Variants in ATP6V0A4 observed in about 807,000 individuals in gnomAD.
The protein encoded by ATP6V0A4 is V-type proton ATPase 116 kDa subunit a 4.
ATP6V0A4 carries 86 observed loss-of-function variants against 107.3 expected under a neutral mutation model. The observed-to-expected ratio is 0.80, with a 90% CI of 0.67 to 0.96. The LOEUF (loss-of-function observed/expected upper bound fraction) is 0.96, where lower values mean the gene tolerates loss of function less well. Ranked by LOEUF, ATP6V0A4 falls within the 40% of genes least tolerant of loss-of-function variation. The pLI is 0.00. For missense variants in ATP6V0A4, 908 were observed against 1,045.6 expected (o/e 0.87, Z 1.81); for synonymous variants, 353 against 381.4 (o/e 0.93, Z 0.87).
chr7:138,718,167 G>T (rs1804179039), intron 19 of ATP6V0A4, among the ~76,000 whole-genome samples: 3 of 127,368 alleles, frequency 2.4e-5, no homozygotes, highest in African/African-American at 8.7e-5. Context: ...TGCAGTCACG[G>T]ATGTCTGTGG....
chr7:138,728,659 G>A, intron 18 of ATP6V0A4, 102 bp downstream of exon 18: 8 of 1,518,538 alleles, frequency 5.3e-6, no homozygotes, highest in Non-Finnish European at 7.3e-6. Flanking sequence ...CATTCTTCTG[G>A]CCCTGGCAGC....
At position 138,752,709 on chromosome 7, in the gene ATP6V0A4, G is replaced by A. The variant is rs775519861; in HGVS notation, c.945C>T (p.Asp315=). The A allele has an allele frequency of 2.5e-5, 40 of 1,613,992 alleles. No individual in the cohort carries two copies. The highest frequency in any genetic ancestry group is 1.1e-4 in the East Asian group (5 of 44,884). The change falls in exon 11 of 22, where the codon GAC becomes GAT. Residue 315 remains aspartate, a synonymous_variant. Transcript: ENST00000310018. ...VYHILNMCNI[D]VTQQCVIAEI... Reference sequence around the variant, plus strand: ...CGGCGATGACACACTGCTGGGTGACGTCGATGTTGCACATGTTCAGGATGT... The same window carrying A: ...CGGCGATGACACACTGCTGGGTGACATCGATGTTGCACATGTTCAGGATGT...
chr7:138,748,138 CAA>C (rs60700245), intron 12 of ATP6V0A4, among the ~76,000 whole-genome samples: 3 of 142,578 alleles, frequency 2.1e-5, no homozygotes, highest in African/African-American at 2.6e-5. Flanking sequence ...ATCACAAAGT[CAA>C]AAAAAAAAAA....
chr7:138,745,962 A>AAAAAAAATATATATATATATATATAT (rs1554396065), intron 13 of ATP6V0A4, among the ~76,000 whole-genome samples: 4 of 65,642 alleles, frequency 6.1e-5, no homozygotes, highest in African/African-American at 2.7e-4. Context: ...AAAAAAAAAA[A>AAAAAAAATATATATATATATATATAT]ATATATATAT....
chr7:138,750,125 C>T (rs992097682), intron 11 of ATP6V0A4, among the ~76,000 whole-genome samples: 2 of 152,196 alleles, frequency 1.3e-5, no homozygotes, highest in Non-Finnish European at 2.9e-5. Context: ...ACTCTTTAGT[C>T]TTGTGATCAA....
In ATP6V0A4 at chr7:138,709,872, T is replaced by C. The variant is rs1803648848; in HGVS notation, c.2258-77A>G. On this transcript the variant is annotated intron_variant, in intron 20 of 21. Transcript: ENST00000310018. ...TTATTGTATTTTCTCATCTTTTTAA[T>C]TAAAAATATATATATATTTTAAATA... The C allele has an allele frequency of 2.1e-6, 3 of 1,454,558 alleles. No individual in the cohort carries two copies. The highest frequency in any genetic ancestry group is 2.8e-6 in the Non-Finnish European group (3 of 1,081,958). 90.1% of individuals were successfully genotyped at this position (1,454,558 alleles called of 1,614,324 possible).
At chr7:138,784,283 T>TATATATATACACAC (rs1808075103) in intron 2 of ATP6V0A4, among the ~76,000 whole-genome samples, 1 of 31,006 alleles carries the variant, frequency 3.2e-5, no homozygotes, top group African/African-American at 1.2e-4. Context: ...TATATATACA[T>TATATATATACACAC]ATATATACAC....
chr7:138,714,606 T>C (rs915656837), intron 20 of ATP6V0A4, among the ~76,000 whole-genome samples: 2 of 152,084 alleles, frequency 1.3e-5, no homozygotes, highest in African/African-American at 4.8e-5. Flanking sequence ...GATAGATAGA[T>C]ACAATTGTAT....
At position 138,715,969 on chromosome 7, in the gene ATP6V0A4, G is replaced by A; in HGVS notation, c.2140-88C>T. 2.6e-6 allele frequency: 4 copies of A among 1,548,132 alleles called. No individual in the cohort carries two copies. The South Asian group carries it at 3.4e-5, about 13-fold the overall frequency. On this transcript the variant is annotated intron_variant, in intron 19 of 21. Transcript: ENST00000310018. ...TGATGCAAAGATGAATAAGACATGG[G>A]CTTTGCTGTTCAGACACTTTCAGTC...
intron 1 of ATP6V0A4, among the ~76,000 whole-genome samples, chr7:138,794,327 G>C (rs1351013573): frequency 2.0e-5 from 3 of 152,152 alleles, no homozygotes; most frequent in Admixed American, 1.3e-4. Flanking sequence ...TTCAAGGTGA[G>C]AGGTCTTTTC....
At chr7:138,707,029 G>A (rs1393401266) in intron 21 of ATP6V0A4, among the ~76,000 whole-genome samples, 1 of 132,658 alleles carries the variant, frequency 7.5e-6, no homozygotes. Context: ...CTGAGTAGCT[G>A]GGACTATAGG....
rs1004521517 is a variant in ATP6V0A4, at chr7:138,732,959, G to A, written c.1826C>T (p.Ala609Val). The change falls in exon 17 of 22, where the codon GCC (alanine) becomes GTC (valine). Residue 609 changes from alanine to valine, a missense_variant. Transcript: ENST00000310018. ...GATGAAGTGGATGAGGATGCTGGGG[G>A]CGTGCTGAGATACATGGACGTCAAA... ...CCFDVHVSQH[A>V]PSILIHFINM... The A allele has an allele frequency of 6.2e-7, 1 of 1,613,536 alleles. No individual in the cohort carries two copies. The highest frequency in any genetic ancestry group is 8.5e-7 in the Non-Finnish European group (1 of 1,179,560).
intron 7 of ATP6V0A4, among the ~76,000 whole-genome samples, chr7:138,760,150 A>G (rs1258539781): frequency 6.6e-6 from 1 of 152,188 alleles, no homozygotes; most frequent in African/African-American, 2.4e-5. Context: ...GCAATTAAGA[A>G]TATGATAGAA....
chr7:138,729,405 G>T lies in ATP6V0A4; in HGVS notation c.1909-543C>A, dbSNP rs76045280. On this transcript the variant is annotated intron_variant, in intron 17 of 21. Transcript: ENST00000310018. ...AAGAAAAAAGAAGTTCCTCACCATC[G>T]CTACCTGACTTTCATCCCTTCCATG... Among the ~76,000 whole-genome samples, 1,034 of 152,216 alleles carry T rather than the reference G, an allele frequency of 6.8e-3. 9 individuals carry two copies. The highest frequency in any genetic ancestry group is 0.011 in the South Asian group (51 of 4,810).
rs368431454 is a variant in ATP6V0A4 at position 138,728,852 on chromosome 7, T to C, written c.1919A>G (p.Gln640Arg). The C allele has an allele frequency of 1.2e-6, 2 of 1,614,154 alleles. No individual in the cohort carries two copies. Among genetic ancestry groups the C allele is most frequent in the East Asian group, 2.2e-5 (1 of 44,884 alleles). ...APLYKHQQEV[Q>R]SFFVVMALIS... ...CAAAGCCATAACCACAAAGAAACTT[T>C]GGACTTCTTGCTGCAAGACCAAAAT... The change falls in exon 18 of 22, where the codon CAA (glutamine) becomes CGA (arginine). Residue 640 changes from glutamine (Q) to arginine (R), a missense_variant. Transcript: ENST00000310018.
intron 1 of ATP6V0A4, among the ~76,000 whole-genome samples, chr7:138,795,807 A>G (rs1019971654): frequency 7.7e-6 from 1 of 129,920 alleles, no homozygotes; most frequent in Non-Finnish European, 1.7e-5. Flanking sequence ...TACCCAAGTA[A>G]TTTTTTTGTG....
intron 2 of ATP6V0A4, among the ~76,000 whole-genome samples, chr7:138,777,137 A>C (rs1807695746): frequency 7.6e-6 from 1 of 130,750 alleles, no homozygotes; most frequent in South Asian, 2.8e-4. Context: ...AGACACAGCG[A>C]GACTCCGTCT....
rs6962262 is a variant in ATP6V0A4 at position 138,733,865 on chromosome 7, C to T, written c.1691+271G>A. Reference sequence around the variant, plus strand: ...CGCTGGGATTACAGGTGTGAGACACCGCACCTGGCCTCCAGTCTTTTTTTG... The same window carrying T: ...CGCTGGGATTACAGGTGTGAGACACTGCACCTGGCCTCCAGTCTTTTTTTG... On this transcript the variant is annotated intron_variant, in intron 16 of 21. Coordinates refer to ENST00000310018, the MANE Select transcript of ATP6V0A4 (RefSeq NM_020632.3). Among the ~76,000 whole-genome samples the T allele has an allele frequency of 0.49, 73,783 of 151,860 alleles. 18,934 individuals are homozygous for T. The highest frequency in any genetic ancestry group is 0.79 in the East Asian group (4,080 of 5,142).
Position 138,739,621 on chromosome 7 carries a change from C to T in ATP6V0A4, c.1491G>A (p.Met497Ile). The change falls in exon 15 of 22, where the codon ATG (methionine) becomes ATA (isoleucine). Residue 497 changes from methionine to isoleucine, a missense_variant. Met to Ile is a conservative substitution (Grantham distance 10, BLOSUM62 1). Transcript: ENST00000310018. ...FRNGTWNTHV[M>I]EESLYLQLDP... is the part of the protein sequence containing the mutation. ...CCAGCTGCAGATATAGACTTTCCTC[C>T]ATTACATGAGTACTTTAGAGGGAGA... 6.2e-7 allele frequency: 1 copy of T among 1,614,110 alleles called. No individual in the cohort carries two copies. Among genetic ancestry groups the T allele is most frequent in the East Asian group, 2.2e-5 (1 of 44,884 alleles).
Sources: gnomAD v4.1 joint callset for allele counts (sites outside exome capture counted in the v4.1 genomes callset) on GRCh38, gnomAD v4.1.1 for gene constraint, MANE v1.5 for transcripts, NCBI Gene and HGNC (gene_info 2026-07-23, HGNC 2026-07-21) for gene names.